The following IGF2R variants were observed in gnomAD, a reference collection of about 807,000 sequenced individuals.
The protein encoded by IGF2R is insulin like growth factor 2 receptor, also known as cation-independent mannose-6-phosphate receptor.
Under a neutral mutation model 270.6 loss-of-function variants are expected in IGF2R, and 91 were observed. The ratio of observed to expected loss-of-function variants is 0.34; its 90% CI spans 0.28 to 0.40. The LOEUF is 0.40. Ranked by LOEUF, IGF2R falls within the 10% of genes least tolerant of loss-of-function variation. The probability of loss-of-function intolerance (pLI) is 1.00; values close to 1 mark genes in which losing one functional copy is unlikely to be tolerated. For synonymous variants in IGF2R, 1,316 were observed against 1,258.9 expected (o/e 1.05, Z -0.96); for missense variants, 2,805 against 3,188.3 (o/e 0.88, Z 2.90).
At chr6:160,087,927 T>C in intron 41 of IGF2R, 106 bp from the exon 42 acceptor site, 1 of 703,852 alleles carries the variant, frequency 1.4e-6, no homozygotes, top group South Asian at 1.6e-5. Flanking sequence ...CTGCCCTCTT[T>C]GGTTTCCCAA....
In IGF2R at chr6:159,978,995, C is replaced by T. The variant is rs112764602; in HGVS notation, c.149+9600C>T. Among the ~76,000 whole-genome samples the T allele has an allele frequency of 7.4e-3, 1,120 of 152,156 alleles. 10 individuals are homozygous for T. The highest frequency in any genetic ancestry group is 0.025 in the African/African-American group (1,032 of 41,482). On this transcript the variant is annotated intron_variant, in intron 1 of 47. Coordinates refer to ENST00000356956, the MANE Select transcript of IGF2R (RefSeq NM_000876.4). Reference sequence around the variant, plus strand: ...GAGGGGGATGGTGGAAGTACTGGCCCGAGCTCTGTTTTCAGGAGTGTGTGA... The same window carrying T: ...GAGGGGGATGGTGGAAGTACTGGCCTGAGCTCTGTTTTCAGGAGTGTGTGA...
intron 2 of IGF2R, among the ~76,000 whole-genome samples, chr6:160,001,188 C>T (rs945841794): frequency 4.6e-5 from 7 of 152,112 alleles, no homozygotes; most frequent in African/African-American, 1.4e-4. Flanking sequence ...ACAGCCGCTC[C>T]CCATTGCTTG....
chr6:159,979,940 C>G (rs1253835409), intron 1 of IGF2R, among the ~76,000 whole-genome samples: 2 of 152,086 alleles, frequency 1.3e-5, no homozygotes, highest in African/African-American at 2.4e-5. Flanking sequence ...GCCTGTAATC[C>G]CAGCACTTTG....
intron 6 of IGF2R, among the ~76,000 whole-genome samples, chr6:160,029,257 G>A (rs1777637846): frequency 6.6e-6 from 1 of 152,202 alleles, no homozygotes. Flanking sequence ...TGGGATTACA[G>A]GCGTGAGCCA....
intron 35 of IGF2R, 81 bp from the exon 36 acceptor site, chr6:160,075,766 A>T: frequency 6.8e-7 from 1 of 1,476,486 alleles, no homozygotes; most frequent in South Asian, 1.2e-5. Flanking sequence ...GGTTTTTGCA[A>T]TTCTGTATCA....
In IGF2R at chr6:160,090,252, G is replaced by A. The variant is rs1779189654; in HGVS notation, c.6655+149G>A. 1.5e-5 allele frequency: 8 copies of A among 538,638 alleles called. No homozygotes were observed. In the East Asian group the frequency reaches 2.7e-4, roughly 18 times the overall value. The allele number at this position is 538,638 out of a possible 1,614,324, so 33.4% of individuals were successfully genotyped here. ...TTCTTTACTTTGTTATGAATTTCTT[G>A]ACAGTGGATTGAGCGATACGTGTCA... On this transcript the variant is annotated intron_variant, in intron 44 of 47. Coordinates refer to ENST00000356956, the MANE Select transcript of IGF2R (RefSeq NM_000876.4).
Position 160,064,796 on chromosome 6 carries a change from T to A in IGF2R, c.4018-8T>A. On this transcript the variant is annotated splice_region_variant and splice_polypyrimidine_tract_variant and intron_variant, in intron 28 of 47. Transcript: ENST00000356956. Reference sequence around the variant, plus strand: ...CACTTTTATATATGTGCCTCTTAACTTTTTTAGCCAGTATTTCTAAAGGAG... The same window carrying A: ...CACTTTTATATATGTGCCTCTTAACATTTTTAGCCAGTATTTCTAAAGGAG... 6.3e-7 allele frequency: 1 copy of A among 1,599,694 alleles called. No homozygotes were observed. The highest frequency in any genetic ancestry group is 8.6e-7 in the Non-Finnish European group (1 of 1,167,020).
intron 44 of IGF2R, among the ~76,000 whole-genome samples, chr6:160,091,139 G>A (rs1274992557): frequency 7.4e-6 from 1 of 134,774 alleles, no homozygotes; most frequent in Non-Finnish European, 1.6e-5. Context: ...CAGGTGCTCC[G>A]TGCCCTGGTG....
chr6:159,973,619 CA>C (rs1420365199), intron 1 of IGF2R, among the ~76,000 whole-genome samples: 4 of 152,088 alleles, frequency 2.6e-5, no homozygotes, highest in Non-Finnish European at 5.9e-5. Context: ...GGATCACATC[CA>C]TTTGTGTGTG....
chr6:160,024,590 G>C lies in IGF2R; in HGVS notation c.532G>C (p.Asp178His). 1 of 1,614,104 alleles carries C rather than the reference G, an allele frequency of 6.2e-7. No homozygotes were observed. The highest frequency in any genetic ancestry group is 8.5e-7 in the Non-Finnish European group (1 of 1,179,986). Residue 178 changes from aspartate (D) to histidine (H), a missense_variant, in exon 5 of 48, where the codon GAT becomes CAT. By Grantham distance (81) the Asp-to-His change is moderately conservative. Transcript: ENST00000356956. ...ANKEVPCYVF[D>H]EELRKHDLNP... ...CTTCCAGGTGCCATGCTATGTGTTT[G>C]ATGAAGAGTTGAGGAAGCATGATCT... is the stretch of plus-strand genomic sequence containing the variant.
intron 10 of IGF2R, among the ~76,000 whole-genome samples, chr6:160,039,348 G>T (rs914909879): frequency 2.6e-5 from 4 of 152,146 alleles, no homozygotes; most frequent in Non-Finnish European, 5.9e-5. Flanking sequence ...AATCTTTTGA[G>T]GCTACCGTTT....
intron 4 of IGF2R, among the ~76,000 whole-genome samples, chr6:160,018,738 A>G (rs1212374586): frequency 6.6e-6 from 1 of 152,172 alleles, no homozygotes; most frequent in Admixed American, 6.5e-5. Flanking sequence ...TCAACAATGT[A>G]GTTAAGATGG....
intron 1 of IGF2R, among the ~76,000 whole-genome samples, chr6:159,990,686 G>T (rs1783963835): frequency 6.6e-6 from 1 of 152,018 alleles, no homozygotes; most frequent in African/African-American, 2.4e-5. Flanking sequence ...CTGGAGTGCA[G>T]TGGCACGATC....
chr6:159,997,755 A>G (rs902355490), intron 2 of IGF2R, among the ~76,000 whole-genome samples: 1 of 152,124 alleles, frequency 6.6e-6, no homozygotes, highest in African/African-American at 2.4e-5. Flanking sequence ...GCTCACCTGT[A>G]ACTTGGGTTC....
At chr6:160,051,066 G>C (rs757846945) in intron 19 of IGF2R, among the ~76,000 whole-genome samples, 2 of 152,196 alleles carry the variant, frequency 1.3e-5, no homozygotes, top group African/African-American at 4.8e-5. Flanking sequence ...AAAATCAGCT[G>C]TCAACAGGAG....
intron 18 of IGF2R, among the ~76,000 whole-genome samples, chr6:160,049,928 T>G (rs1185529803): frequency 6.6e-6 from 1 of 152,168 alleles, no homozygotes; most frequent in Non-Finnish European, 1.5e-5. Context: ...AACCTCAAAT[T>G]CACCTCCCTA....
chr6:159,972,839 C>T (rs1783631361), intron 1 of IGF2R, among the ~76,000 whole-genome samples: 1 of 152,226 alleles, frequency 6.6e-6, no homozygotes, highest in Non-Finnish European at 1.5e-5. Context: ...GACAAAGGCT[C>T]ATTTCCCAAA....
intron 21 of IGF2R, among the ~76,000 whole-genome samples, chr6:160,058,412 T>C (rs537958186): frequency 1.2e-4 from 18 of 152,328 alleles, no homozygotes; most frequent in African/African-American, 4.3e-4. Context: ...TCATTGTCCA[T>C]TGGTCTCTCC....
At chr6:159,995,449 T>C (rs1185705490) in intron 2 of IGF2R, among the ~76,000 whole-genome samples, 1 of 152,120 alleles carries the variant, frequency 6.6e-6, no homozygotes, top group African/African-American at 2.4e-5. Flanking sequence ...AATATTGATA[T>C]GTGAGGTTTT....
Sources: gnomAD v4.1 joint callset for allele counts (sites outside exome capture counted in the v4.1 genomes callset) on GRCh38, gnomAD v4.1.1 for gene constraint, MANE v1.5 for transcripts, NCBI Gene and HGNC (gene_info 2026-07-23, HGNC 2026-07-21) for gene names.